Variants in EEFSEC observed in about 807,000 individuals in gnomAD.
EEFSEC encodes selenocysteine-specific elongation factor.
Under a neutral mutation model 42.1 loss-of-function variants are expected in EEFSEC, and 43 were observed. That is an observed-to-expected ratio of 1.02 (90% CI 0.80 to 1.32). The LOEUF is 1.32. Ranked by LOEUF, EEFSEC falls within the 40% of genes most tolerant of loss-of-function variation. The pLI, the probability that EEFSEC is intolerant of heterozygous loss-of-function variation, is 0.00. For missense variants in EEFSEC, 745 were observed against 803.6 expected, an observed-to-expected ratio of 0.93 and a Z score of 0.88; for synonymous variants, 354 against 339.1, an observed-to-expected ratio of 1.04 and a Z score of -0.48.
chr3:128,419,960 G>A, the EEFSEC span, among the ~76,000 whole-genome samples: 1 of 152,156 alleles, frequency 6.6e-6, no homozygotes, highest in Non-Finnish European at 1.5e-5. Flanking sequence ...AGCGGGAGGG[G>A]GGACAGCCAA....
Position 128,358,255 on chromosome 3 carries a change from C to G in EEFSEC, c.1482C>G (p.Phe494Leu). Reference protein sequence around the residue: ...DDYSVIGRSLFKKETNIQLFV... With the variant: ...DDYSVIGRSLLKKETNIQLFV... ...ACAGTGTGATCGGCCGCTCCCTGTT[C>G]AAAAAGGAAACCAACATCCAGCTCT... Residue 494 changes from phenylalanine to leucine, a missense_variant, in exon 6 of 7, where the codon TTC becomes TTG. Physicochemically the swap from Phe to Leu is conservative, Grantham distance 22. Transcript: ENST00000254730. 1 of 1,614,174 alleles carries G rather than the reference C, an allele frequency of 6.2e-7. No individual in the cohort carries two copies. Among genetic ancestry groups the G allele is most frequent in the Non-Finnish European group, 8.5e-7 (1 of 1,180,026 alleles).
intron 4 of EEFSEC, among the ~76,000 whole-genome samples, chr3:128,338,950 A>G (rs1184792964): frequency 6.6e-6 from 1 of 152,206 alleles, no homozygotes; most frequent in African/African-American, 2.4e-5. Flanking sequence ...AGGTGGTGAC[A>G]AACAATTGCT....
intron 6 of EEFSEC, among the ~76,000 whole-genome samples, chr3:128,369,877 C>G (rs1407569983): frequency 1.3e-5 from 2 of 152,362 alleles, no homozygotes; most frequent in Admixed American, 6.5e-5. Context: ...GCTGCTGTGC[C>G]TGCACCCTCA....
intron 1 of EEFSEC, among the ~76,000 whole-genome samples, chr3:128,172,437 G>A (rs147003443): frequency 6.6e-6 from 1 of 152,248 alleles, no homozygotes; most frequent in African/African-American, 2.4e-5. Context: ...AAAGCTTCAG[G>A]CACATAGTAG....
chr3:128,188,582 G>A (rs2065488452), intron 1 of EEFSEC, among the ~76,000 whole-genome samples: 2 of 152,210 alleles, frequency 1.3e-5, no homozygotes. Flanking sequence ...CTGGAATCAG[G>A]TATTTGGAAT....
intron 4 of EEFSEC, among the ~76,000 whole-genome samples, chr3:128,311,426 G>A (rs1238703417): frequency 6.6e-6 from 1 of 152,180 alleles, no homozygotes; most frequent in Non-Finnish European, 1.5e-5. Flanking sequence ...AAGGATTTTA[G>A]CTCCACAGTT....
At chr3:128,385,644 T>C (rs2067829918) in intron 6 of EEFSEC, among the ~76,000 whole-genome samples, 1 of 152,200 alleles carries the variant, frequency 6.6e-6, no homozygotes, top group Admixed American at 6.5e-5. Flanking sequence ...CTGTTTTATA[T>C]GAGTTACCTC....
chr3:128,203,274 A>G (rs1410468718), intron 1 of EEFSEC, among the ~76,000 whole-genome samples: 2 of 152,214 alleles, frequency 1.3e-5, no homozygotes, highest in African/African-American at 4.8e-5. Flanking sequence ...CCATTTAGTG[A>G]TGCTTATATC....
chr3:128,358,668 C>G (rs2067488941), intron 6 of EEFSEC, among the ~76,000 whole-genome samples: 1 of 152,234 alleles, frequency 6.6e-6, no homozygotes, highest in African/African-American at 2.4e-5. Context: ...CTTGGTTTCT[C>G]TGTGGAGGCG....
chr3:128,420,956 C>A, the EEFSEC span, among the ~76,000 whole-genome samples: 2 of 152,156 alleles, frequency 1.3e-5, no homozygotes, highest in Non-Finnish European at 2.9e-5. Context: ...CACCACCTCT[C>A]GGGACAAGGA....
At chr3:128,315,265 A>G (rs937167219) in intron 4 of EEFSEC, among the ~76,000 whole-genome samples, 1 of 152,202 alleles carries the variant, frequency 6.6e-6, no homozygotes, top group Non-Finnish European at 1.5e-5. Context: ...ACTTAGGCCC[A>G]GGGTGAGGTA....
chr3:128,227,954 G>C, intron 1 of EEFSEC, among the ~76,000 whole-genome samples: 1 of 152,152 alleles, frequency 6.6e-6, no homozygotes, highest in South Asian at 2.1e-4. Flanking sequence ...CGCTTCAGTT[G>C]TTCAACTTTT....
intron 4 of EEFSEC, among the ~76,000 whole-genome samples, chr3:128,269,430 C>T (rs1264033959): frequency 6.6e-6 from 1 of 152,246 alleles, no homozygotes; most frequent in Non-Finnish European, 1.5e-5. Context: ...TCCTCTCACC[C>T]CTGCCCTCTT....
chr3:128,277,644 A>G (rs544501461), intron 4 of EEFSEC, among the ~76,000 whole-genome samples: 4 of 152,314 alleles, frequency 2.6e-5, no homozygotes, highest in South Asian at 2.1e-4. Context: ...TTGTGAAGCT[A>G]TCCATTGTGG....
intron 5 of EEFSEC, among the ~76,000 whole-genome samples, chr3:128,349,449 A>G (rs775651330): frequency 3.5e-4 from 53 of 152,200 alleles, no homozygotes; most frequent in Non-Finnish European, 6.0e-4. Flanking sequence ...CTATGGAGCC[A>G]GGCTTCTCCA....
chr3:128,348,028 A>G (rs2067333301), intron 5 of EEFSEC, among the ~76,000 whole-genome samples: 1 of 152,220 alleles, frequency 6.6e-6, no homozygotes, highest in African/African-American at 2.4e-5. Flanking sequence ...TTAAACAAAT[A>G]TTTGTAGAAC....
chr3:128,258,832 T>C (rs1351543677), intron 2 of EEFSEC, among the ~76,000 whole-genome samples: 1 of 152,232 alleles, frequency 6.6e-6, no homozygotes, highest in African/African-American at 2.4e-5. Flanking sequence ...ATATGTTCCC[T>C]GATCCTTGAA....
intron 6 of EEFSEC, among the ~76,000 whole-genome samples, chr3:128,396,150 CAT>C (rs1432931654): frequency 6.6e-6 from 1 of 152,138 alleles, no homozygotes; most frequent in Non-Finnish European, 1.5e-5. Flanking sequence ...TCTAGAGGCA[CAT>C]GTGTATCTGT....
chr3:128,232,987 G>T (rs2065973987), intron 1 of EEFSEC, among the ~76,000 whole-genome samples: 1 of 152,228 alleles, frequency 6.6e-6, no homozygotes, highest in South Asian at 2.1e-4. Context: ...CCAGTGATCA[G>T]TGTCTACTTC....
Sources: allele counts gnomAD v4.1 joint callset (sites outside exome capture counted in the v4.1 genomes callset), GRCh38; gene constraint gnomAD v4.1.1; transcripts MANE v1.5; gene names NCBI Gene and HGNC (gene_info 2026-07-23, HGNC 2026-07-21).